Variants in DBNL observed in about 807,000 individuals in gnomAD.
The protein encoded by DBNL is drebrin-like protein.
A neutral mutation model predicts 62.2 loss-of-function variants in DBNL; 35 were observed. That is an observed-to-expected ratio of 0.56 (90% confidence interval 0.43 to 0.75). DBNL has a LOEUF of 0.75. Ranked by LOEUF, DBNL falls within the 30% of genes least tolerant of loss-of-function variation. The pLI, the probability that DBNL is intolerant of heterozygous loss-of-function variation, is 0.00. For missense variants in DBNL, 495 were observed against 578.4 expected, an observed-to-expected ratio of 0.86 and a Z score of 1.48; for synonymous variants, 197 against 218.0, an observed-to-expected ratio of 0.90 and a Z score of 0.85.
In DBNL at chr7:44,059,363, G is replaced by A; in HGVS notation, c.845G>A (p.Arg282Lys). ...TTACCCGGGTTTGCAGGCAAGCTGA[G>A]GAGCCCCTTCCTGCAGAAGCAGCTC... is the stretch of plus-strand genomic sequence containing the variant. Reference protein sequence around the residue: ...SISSPQPGKLRSPFLQKQLTQ... With the variant: ...SISSPQPGKLKSPFLQKQLTQ... The change falls in exon 10 of 13, where the codon AGG (arginine) becomes AAG (lysine). Residue 282 changes from arginine (R) to lysine (K), a missense_variant. Transcript: ENST00000448521. The surrounding 1 kb of genome is among the most constrained non-coding windows in gnomAD (Gnocchi z 4.1). 1 of 1,614,004 alleles carries A rather than the reference G, an allele frequency of 6.2e-7. No homozygotes were observed. Among genetic ancestry groups the A allele is most frequent in the Non-Finnish European group, 8.5e-7 (1 of 1,179,968 alleles).
chr7:44,058,058 A>T lies in DBNL; in HGVS notation c.553-71A>T, dbSNP rs939268844. The T allele has an allele frequency of 8.5e-6, 13 of 1,534,488 alleles. No homozygotes were observed. In the Admixed American group the frequency reaches 2.6e-4, roughly 31 times the overall value. ...GCCCGTCTTTGGCCATGTGCCTAAA[A>T]CTCAGTCCTGGGCAGGGGATTAGGC... On this transcript the variant is annotated intron_variant, in intron 6 of 12. Coordinates refer to ENST00000448521, the MANE Select transcript of DBNL (RefSeq NM_001014436.3).
chr7:44,060,582 G>C lies in DBNL; in HGVS notation c.1154-195G>C, dbSNP rs75811055. ...CTCTGTAGGAGGGTATGCCCTGGGG[G>C]TGTGGTCACTGGAGCCGCATTGGGA... On this transcript the variant is annotated intron_variant, in intron 12 of 12. Coordinates refer to ENST00000448521, the MANE Select transcript of DBNL (RefSeq NM_001014436.3). This position sits in a 1 kb window ranked among gnomAD's most constrained non-coding sequence, Gnocchi z 6.3. Among the ~76,000 whole-genome samples, 1 of 152,136 alleles carries C rather than the reference G, an allele frequency of 6.6e-6. No homozygotes were observed. Among genetic ancestry groups the C allele is most frequent in the African/African-American group, 2.4e-5 (1 of 41,406 alleles).
At chr7:44,047,833 G>A (rs1241586742) in intron 1 of DBNL, among the ~76,000 whole-genome samples, 1 of 151,874 alleles carries the variant, frequency 6.6e-6, no homozygotes, top group African/African-American at 2.4e-5. Context: ...AAGGTGGCCT[G>A]GGGTAGAGAG....
rs928305453 is a variant in DBNL at position 44,062,474 on chromosome 7, G to A, written c.*1558G>A. On this transcript the variant is annotated 3_prime_UTR_variant, in exon 13 of 13. Transcript: ENST00000448521. ...GCCTCTTCTAACTGGCCCCAAGCAC[G>A]CCAATTCTGGAGCATGGTTACTAAG... 2.7e-5 allele frequency: 12 copies of A among 451,220 alleles called. No individual in the cohort carries two copies. The highest frequency in any genetic ancestry group is 4.0e-5 in the African/African-American group (2 of 50,314). 28.0% of individuals were successfully genotyped at this position (451,220 alleles called of 1,614,324 possible). A position where few individuals can be genotyped will look rare whatever the true frequency, so the allele number is the denominator to read the frequency against.
In DBNL at chr7:44,064,061, C is replaced by CA. The variant is rs1346782135; in HGVS notation, c.*3146dup. ...CCCTAGGAGCAGGAGGTCTGGGGCA[C>CA]ACCCTTCTAGCCTTTCCAGGACTCA... On this transcript the variant is annotated 3_prime_UTR_variant, in exon 13 of 13. Transcript: ENST00000448521. The CA allele has an allele frequency of 6.6e-6, 1 of 152,592 alleles. No homozygotes were observed. The highest frequency in any genetic ancestry group is 1.5e-5 in the Non-Finnish European group (1 of 68,328). The allele number at this position is 152,592 out of a possible 1,614,324, so 9.5% of individuals were successfully genotyped here. A position where few individuals can be genotyped will look rare whatever the true frequency, so the allele number is the denominator to read the frequency against.
rs1241083176 is a variant in DBNL at position 44,059,599 on chromosome 7, G to C, written c.988G>C (p.Glu330Gln). 2.5e-6 allele frequency: 4 copies of C among 1,611,538 alleles called. No individual in the cohort carries two copies. The highest frequency in any genetic ancestry group is 3.3e-5 in the Admixed American group (2 of 59,990). Residue 330 changes from glutamate (E) to glutamine (Q), a missense_variant, in exon 11 of 13, where the codon GAG (glutamate) becomes CAG (glutamine). Coordinates refer to ENST00000448521, the MANE Select transcript of DBNL (RefSeq NM_001014436.3). This position sits in a 1 kb window ranked among gnomAD's most constrained non-coding sequence, Gnocchi z 4.1. ...STPPCLVQAE[E>Q]EAVYEEPPEQ... ...TCCTCCATGTCTGGTGCAGGCAGAA[G>C]AGGAGGCTGTGTATGAGGAACCTCC...
rs909357832 is a variant in DBNL, at chr7:44,059,904, G to T, written c.1048-144G>T. ...CCTGTGGCTTCTGTACTCTGGTAGG[G>T]CGGGGACAGCAGCAGCCCAGCCCCC... On this transcript the variant is annotated intron_variant, in intron 11 of 12. Transcript: ENST00000448521. This position sits in a 1 kb window ranked among gnomAD's most constrained non-coding sequence, Gnocchi z 4.1. The T allele has an allele frequency of 1.2e-6, 1 of 845,924 alleles. No individual in the cohort carries two copies. Among genetic ancestry groups the T allele is most frequent in the East Asian group, 2.7e-5 (1 of 37,278 alleles). 52.4% of individuals were successfully genotyped at this position (845,924 alleles called of 1,614,324 possible). A position where few individuals can be genotyped will look rare whatever the true frequency, so the allele number is the denominator to read the frequency against.
rs1393326245 is a variant in DBNL at position 44,064,666 on chromosome 7, A to T, written c.*3750A>T. ...TCCCAGTTACACAGAAATGGGGAAA[A>T]TTTCACAAAACTAAAAAATGGCTTC... On this transcript the variant is annotated 3_prime_UTR_variant, in exon 13 of 13. Coordinates refer to ENST00000448521, the MANE Select transcript of DBNL (RefSeq NM_001014436.3). The T allele has an allele frequency of 1.5e-5, 10 of 670,844 alleles. No individual in the cohort carries two copies. The highest frequency in any genetic ancestry group is 2.1e-5 in the Non-Finnish European group (8 of 386,838). 41.6% of individuals were successfully genotyped at this position (670,844 alleles called of 1,614,324 possible).
chr7:44,049,586 C>T (rs1016410622), intron 1 of DBNL, among the ~76,000 whole-genome samples: 1 of 152,200 alleles, frequency 6.6e-6, no homozygotes, highest in Non-Finnish European at 1.5e-5. Flanking sequence ...AGGGGCTTGG[C>T]AGGTTCATGG....
chr7:44,065,783 A>T lies in DBNL; in HGVS notation c.*4867A>T. 1.8e-6 allele frequency: 1 copy of T among 563,298 alleles called. No homozygotes were observed. The highest frequency in any genetic ancestry group is 3.2e-6 in the Non-Finnish European group (1 of 312,864). 34.9% of individuals were successfully genotyped at this position (563,298 alleles called of 1,614,324 possible). The stretch of plus-strand genomic sequence containing the variant: ...CCTGGGTTCAGGTGGCATGTCTATA[A>T]CCAGCTGGCACCCAGAGCCCAGACT... On this transcript the variant is annotated 3_prime_UTR_variant, in exon 13 of 13. Transcript: ENST00000448521.
rs376134077 is a variant in DBNL at position 44,065,001 on chromosome 7, G to C, written c.*4085G>C. ...GGAGTTCCCCGGGCTTCAGGCCTGCGTACCGACGCTCCTGGGGGACACAGG... is the reference window on the plus strand; with the variant it reads ...GGAGTTCCCCGGGCTTCAGGCCTGCCTACCGACGCTCCTGGGGGACACAGG... On this transcript the variant is annotated 3_prime_UTR_variant, in exon 13 of 13. Transcript: ENST00000448521. 1.9e-6 allele frequency: 3 copies of C among 1,606,200 alleles called. No homozygotes were observed. The Admixed American group carries it at 5.0e-5, about 27-fold the overall frequency.
Position 44,065,287 on chromosome 7 carries a change from C to T in DBNL, c.*4371C>T, listed in dbSNP as rs2096157564. 1.2e-6 allele frequency: 2 copies of T among 1,613,538 alleles called. No individual in the cohort carries two copies. Among genetic ancestry groups the T allele is most frequent in the Non-Finnish European group, 1.7e-6 (2 of 1,180,048 alleles). On this transcript the variant is annotated 3_prime_UTR_variant, in exon 13 of 13. Transcript: ENST00000448521. Reference sequence around the variant, plus strand: ...GCTCATTGAGGCGCCAAGTGCGCACCACAGGCAGCCACATCTGGTCCGTGC... The same window carrying T: ...GCTCATTGAGGCGCCAAGTGCGCACTACAGGCAGCCACATCTGGTCCGTGC...
In DBNL at chr7:44,058,256, A is replaced by C; in HGVS notation, c.680A>C (p.Gln227Pro). 6.3e-7 allele frequency: 1 copy of C among 1,576,232 alleles called. No homozygotes were observed. The change falls in exon 7 of 13, where the codon CAG (glutamine) becomes CCG (proline). Residue 227 changes from glutamine (Q) to proline (P), a missense_variant. Coordinates refer to ENST00000448521, the MANE Select transcript of DBNL (RefSeq NM_001014436.3). ...AARREQRYQE[Q>P]GGEASPQRTW... ...CGCCGGGAGCAGCGCTATCAGGAGC[A>C]GGGTGGCGAGGCCAGCCCCCAGAGG...
chr7:44,065,655 T>G lies in DBNL; in HGVS notation c.*4739T>G, dbSNP rs1586002627. On this transcript the variant is annotated 3_prime_UTR_variant, in exon 13 of 13. Transcript: ENST00000448521. ...AACTGCCAATCAGCATTCCAGGCGG[T>G]GGCAGGTGACCAGTAGCTGAGCTGC... 1.1e-6 allele frequency: 1 copy of G among 927,502 alleles called. No individual in the cohort carries two copies. 57.5% of individuals were successfully genotyped at this position (927,502 alleles called of 1,614,324 possible). A position where few individuals can be genotyped will look rare whatever the true frequency, so the allele number is the denominator to read the frequency against.
At position 44,062,954 on chromosome 7, in the gene DBNL, C is replaced by T. The variant is rs375312204; in HGVS notation, c.*2038C>T. The T allele has an allele frequency of 3.1e-6, 5 of 1,613,452 alleles. No homozygotes were observed. In the African/African-American group the frequency reaches 5.3e-5, roughly 17 times the overall value. On this transcript the variant is annotated 3_prime_UTR_variant, in exon 13 of 13. Transcript: ENST00000448521. ...CCCTATGCCGGAAGGAATAGGTGTC[C>T]TTAGCCCCTCTGTCCCCAGCCTGTT...
Position 44,059,740 on chromosome 7 carries a change from G to C in DBNL, c.1047+82G>C. The C allele has an allele frequency of 7.5e-7, 1 of 1,334,354 alleles. No individual in the cohort carries two copies. 82.7% of individuals were successfully genotyped at this position (1,334,354 alleles called of 1,614,324 possible). ...ATCACGGGCCGCCTGAGTTTTCTGG[G>C]GGCATGCAACAGGTTTTAAAGCACA... On this transcript the variant is annotated intron_variant, in intron 11 of 12. Transcript: ENST00000448521. This position sits in a 1 kb window ranked among gnomAD's most constrained non-coding sequence, Gnocchi z 4.1.
At chr7:44,056,949 T>C (rs371015606) in intron 5 of DBNL, 46 bp downstream of exon 5, 145 of 1,610,012 alleles carry the variant, frequency 9.0e-5, no homozygotes, top group Non-Finnish European at 1.2e-4. Context: ...GCTCAGGGCC[T>C]GAGGCAGGGG....
Position 44,058,204 on chromosome 7 carries a change from C to T in DBNL, c.628C>T (p.Arg210Trp), listed in dbSNP as rs373414000. ...ACAGCGGCAGCTGGAGCAGGAGCGC[C>T]GGGAGCGTGAGCTGCGTGAGGCTGC... ...EAQRQLEQER[R>W]ERELREAARR... The change falls in exon 7 of 13, where the codon CGG becomes TGG. Residue 210 changes from arginine (R) to tryptophan (W), a missense_variant. By Grantham distance (101) the Arg-to-Trp change is moderately radical. Coordinates refer to ENST00000448521, the MANE Select transcript of DBNL (RefSeq NM_001014436.3). The T allele has an allele frequency of 3.4e-5, 53 of 1,563,004 alleles. No individual in the cohort carries two copies. The South Asian group carries it at 3.5e-4, about 10-fold the overall frequency.
rs754149683 is a variant in DBNL, at chr7:44,065,938, G to A, written c.*5022G>A. 165 of 329,098 alleles carry A rather than the reference G, an allele frequency of 5.0e-4. No homozygotes were observed. Among genetic ancestry groups the A allele is most frequent in the Non-Finnish European group, 8.5e-4 (144 of 169,398 alleles). 20.4% of individuals were successfully genotyped at this position (329,098 alleles called of 1,614,324 possible). On this transcript the variant is annotated 3_prime_UTR_variant, in exon 13 of 13. Transcript: ENST00000448521. ...CTATCAGCCATTCTCTGCTCAGACA[G>A]AGGCACAAACAAAATCCCAACCCCT...
Sources: gnomAD v4.1 joint callset for allele counts (sites outside exome capture counted in the v4.1 genomes callset) on GRCh38, gnomAD v4.1.1 for gene constraint, Gnocchi (gnomAD v3.1) non-coding constraint, MANE v1.5 for transcripts, NCBI Gene and HGNC (gene_info 2026-07-23, HGNC 2026-07-21) for gene names.